CHCHD3: variants seen among roughly 807,000 people sequenced by gnomAD.
The protein encoded by CHCHD3 is coiled-coil-helix-coiled-coil-helix domain containing 3, also known as MICOS complex subunit MIC19.
CHCHD3 carries 20 observed loss-of-function variants against 38.2 expected under a neutral mutation model. The observed-to-expected ratio is 0.52, with a 90% confidence interval of 0.37 to 0.76. The LOEUF (loss-of-function observed/expected upper bound fraction) is 0.76, where lower values mean the gene tolerates loss of function less well. CHCHD3 is among the 30% of genes least tolerant of loss of function. The pLI is 0.00. For synonymous variants in CHCHD3, 82 were observed against 100.0 expected (o/e 0.82, Z 1.07); for missense variants, 245 against 279.2 (o/e 0.88, Z 0.87).
At chr7:132,972,596 G>A (rs1811641006) in intron 4 of CHCHD3, 2 of 985,190 alleles carry the variant, frequency 2.0e-6, no homozygotes, top group Admixed American at 6.2e-5. Context: ...AAATAAATTG[G>A]GAACTGCCCA....
At chr7:132,809,863 T>C (rs1460789334) in intron 6 of CHCHD3, among the ~76,000 whole-genome samples, 1 of 152,232 alleles carries the variant, frequency 6.6e-6, no homozygotes, top group Non-Finnish European at 1.5e-5. Context: ...TAAGTTTCCA[T>C]AGGAACTAAA....
chr7:132,972,636 C>T (rs933773541), intron 4 of CHCHD3: 14 of 985,276 alleles, frequency 1.4e-5, no homozygotes, highest in Non-Finnish European at 1.7e-5. Flanking sequence ...AGCCATGTTG[C>T]TGTGGCCATG....
At chr7:133,078,644 GT>G (rs1450698989) in intron 1 of CHCHD3, among the ~76,000 whole-genome samples, 8 of 152,232 alleles carry the variant, frequency 5.3e-5, no homozygotes, top group Non-Finnish European at 1.0e-4. Context: ...CAGAAGCTGA[GT>G]TTACTGAACG....
At chr7:132,895,158 G>A (rs1281323199) in intron 4 of CHCHD3, among the ~76,000 whole-genome samples, 1 of 152,220 alleles carries the variant, frequency 6.6e-6, no homozygotes, top group Non-Finnish European at 1.5e-5. Flanking sequence ...TACATATGCT[G>A]CATGAACAGG....
At chr7:132,995,711 A>C (rs985423712) in intron 3 of CHCHD3, among the ~76,000 whole-genome samples, 1 of 152,184 alleles carries the variant, frequency 6.6e-6, no homozygotes, top group South Asian at 2.1e-4. Context: ...AATAACATAC[A>C]ATTCCAACTC....
chr7:132,903,073 G>A (rs1280492441), intron 4 of CHCHD3, among the ~76,000 whole-genome samples: 6 of 152,102 alleles, frequency 3.9e-5, no homozygotes, highest in East Asian at 1.9e-4. Flanking sequence ...AAGCCTCACT[G>A]CACAGCAATG....
intron 6 of CHCHD3, among the ~76,000 whole-genome samples, chr7:132,824,619 G>A (rs1313305204): frequency 6.6e-6 from 1 of 152,096 alleles, no homozygotes; most frequent in South Asian, 2.1e-4. Context: ...CGGCCACCAA[G>A]TAGGTAGAAC....
intron 4 of CHCHD3, among the ~76,000 whole-genome samples, chr7:132,927,647 A>C (rs1810408108): frequency 6.6e-6 from 1 of 152,338 alleles, no homozygotes; most frequent in Non-Finnish European, 1.5e-5. Context: ...CATATCTATT[A>C]AACTGTTTAA....
At chr7:132,908,704 G>A (rs1809860380) in intron 4 of CHCHD3, among the ~76,000 whole-genome samples, 1 of 152,112 alleles carries the variant, frequency 6.6e-6, no homozygotes, top group Non-Finnish European at 1.5e-5. Flanking sequence ...GTGGACACTT[G>A]AACAAAATGG....
At chr7:132,877,567 T>G (rs1808943582) in intron 5 of CHCHD3, among the ~76,000 whole-genome samples, 1 of 152,212 alleles carries the variant, frequency 6.6e-6, no homozygotes, top group Non-Finnish European at 1.5e-5. Context: ...TGCATTTACT[T>G]AAACTATCAT....
chr7:133,076,051 T>G (rs1814981058), intron 1 of CHCHD3, among the ~76,000 whole-genome samples: 1 of 119,670 alleles, frequency 8.4e-6, no homozygotes, highest in East Asian at 2.4e-4. Context: ...AGAATGAGAT[T>G]CTATCTCAAA....
At chr7:132,954,846 A>G (rs899330548) in intron 4 of CHCHD3, among the ~76,000 whole-genome samples, 1 of 152,110 alleles carries the variant, frequency 6.6e-6, no homozygotes, top group African/African-American at 2.4e-5. Flanking sequence ...ACGGAGGCTC[A>G]TTGTGGTCCT....
At chr7:132,956,051 T>C (rs1172250274) in intron 4 of CHCHD3, among the ~76,000 whole-genome samples, 1 of 152,162 alleles carries the variant, frequency 6.6e-6, no homozygotes, top group East Asian at 1.9e-4. Flanking sequence ...AAAAAGAGAA[T>C]CTTTGTCAGG....
intron 4 of CHCHD3, among the ~76,000 whole-genome samples, chr7:132,935,671 G>C (rs1236118967): frequency 6.6e-6 from 1 of 152,188 alleles, no homozygotes; most frequent in Non-Finnish European, 1.5e-5. Flanking sequence ...CATGAGTCTG[G>C]AGCCAAACTG....
intron 6 of CHCHD3, among the ~76,000 whole-genome samples, chr7:132,837,149 A>G (rs1198511706): frequency 6.6e-6 from 1 of 152,228 alleles, no homozygotes; most frequent in East Asian, 1.9e-4. Context: ...TCTCTAATGT[A>G]TCCGAAATTT....
chr7:132,790,230 A>G (rs748445221), intron 7 of CHCHD3, among the ~76,000 whole-genome samples: 3 of 152,228 alleles, frequency 2.0e-5, no homozygotes, highest in Non-Finnish European at 4.4e-5. Flanking sequence ...TATAATATTC[A>G]AATTAAGTTA....
intron 4 of CHCHD3, among the ~76,000 whole-genome samples, chr7:132,891,545 G>A (rs1809360283): frequency 1.3e-5 from 2 of 152,198 alleles, no homozygotes; most frequent in Admixed American, 1.3e-4. Flanking sequence ...CAAGGCAGCT[G>A]GTTTTGGTGC....
chr7:132,801,112 A>T (rs1806781297), intron 6 of CHCHD3, among the ~76,000 whole-genome samples: 1 of 152,218 alleles, frequency 6.6e-6, no homozygotes, highest in African/African-American at 2.4e-5. Flanking sequence ...CATTGCCAAT[A>T]TTTAAAAATA....
At chr7:132,974,480 T>G (rs185673594) in intron 4 of CHCHD3, among the ~76,000 whole-genome samples, 293 of 152,210 alleles carry the variant, frequency 1.9e-3, no homozygotes, top group Admixed American at 3.3e-3. Flanking sequence ...TTTGCCAGAG[T>G]CTTCCAGACT....
Sources: gnomAD v4.1 joint callset for allele counts (sites outside exome capture counted in the v4.1 genomes callset) on GRCh38, gnomAD v4.1.1 for gene constraint, MANE v1.5 for transcripts, NCBI Gene and HGNC (gene_info 2026-07-23, HGNC 2026-07-21) for gene names.